ABCB1: variants seen among roughly 807,000 people sequenced by gnomAD.
The protein encoded by ABCB1 is ATP binding cassette subfamily B member 1.
Under a neutral mutation model 142.0 loss-of-function variants are expected in ABCB1, and 69 were observed. The ratio of observed to expected loss-of-function variants is 0.49; its 90% CI spans 0.40 to 0.59. ABCB1 has a LOEUF of 0.59. Ranked by LOEUF, ABCB1 falls within the 20% of genes least tolerant of loss-of-function variation. The pLI is 0.00. For missense variants in ABCB1, 1,326 were observed against 1,554.7 expected (o/e 0.85, Z 2.47); for synonymous variants, 532 against 539.2 (o/e 0.99, Z 0.18).
intron 15 of ABCB1, among the ~76,000 whole-genome samples, chr7:87,545,366 A>G (rs1311495535): frequency 6.6e-6 from 1 of 152,230 alleles, no homozygotes. Flanking sequence ...GTTATTTTAA[A>G]TTTTCTAGAA....
intron 1 of ABCB1, among the ~76,000 whole-genome samples, chr7:87,703,412 G>A (rs145818951): frequency 2.7e-4 from 41 of 152,046 alleles, no homozygotes; most frequent in African/African-American, 7.5e-4. Flanking sequence ...AACATTTTTA[G>A]CTCCTTAATA....
At chr7:87,660,573 G>T (rs948604394) in intron 1 of ABCB1, among the ~76,000 whole-genome samples, 1 of 151,730 alleles carries the variant, frequency 6.6e-6, no homozygotes, top group Admixed American at 6.6e-5. Context: ...CCAGAGATTT[G>T]TCTGTTTTAT....
chr7:87,649,578 T>A (rs577303411), intron 1 of ABCB1, among the ~76,000 whole-genome samples: 10 of 152,202 alleles, frequency 6.6e-5, no homozygotes, highest in African/African-American at 2.4e-4. Flanking sequence ...GGAAAATACA[T>A]TGATTTTTGA....
Position 87,628,863 on chromosome 7 carries a change from G to A in ABCB1, c.-330-27785C>T. 1 of 1,278,786 alleles carries A rather than the reference G, an allele frequency of 7.8e-7. No homozygotes were observed. The highest frequency in any genetic ancestry group is 9.9e-7 in the Non-Finnish European group (1 of 1,005,216). 79.2% of individuals were successfully genotyped at this position (1,278,786 alleles called of 1,614,324 possible). ...CCTGGGGGGCCTGAGCGGGATCCGCGGCGGTGGCGGCGGAGGCGGCAAGAA... is the reference window on the plus strand; with the variant it reads ...CCTGGGGGGCCTGAGCGGGATCCGCAGCGGTGGCGGCGGAGGCGGCAAGAA... On this transcript the variant is annotated intron_variant, in intron 1 of 28. Coordinates refer to the ABCB1 transcript ENST00000265724.
chr7:87,672,691 C>T (rs1825950400), intron 1 of ABCB1, among the ~76,000 whole-genome samples: 1 of 152,106 alleles, frequency 6.6e-6, no homozygotes, highest in South Asian at 2.1e-4. Flanking sequence ...ACCGAAGGCC[C>T]TGGTGGAATG....
chr7:87,556,379 C>G (rs1010935211), intron 8 of ABCB1, among the ~76,000 whole-genome samples: 1 of 152,090 alleles, frequency 6.6e-6, no homozygotes, highest in Non-Finnish European at 1.5e-5. Context: ...CTATTCTATA[C>G]GATTGAATGG....
chr7:87,524,004 AT>A (rs1387621525), intron 21 of ABCB1, among the ~76,000 whole-genome samples: 1 of 152,196 alleles, frequency 6.6e-6, no homozygotes, highest in Non-Finnish European at 1.5e-5. Context: ...ATAAAGACAC[AT>A]TTAATTTAGA....
chr7:87,659,410 A>G (rs185694572), intron 1 of ABCB1, among the ~76,000 whole-genome samples: 277 of 152,184 alleles, frequency 1.8e-3, no homozygotes, highest in African/African-American at 6.5e-3. Context: ...TTGCAGTATT[A>G]TATTATACCA....
intron 2 of ABCB1, among the ~76,000 whole-genome samples, chr7:87,598,755 C>G (rs1443769487): frequency 5.3e-5 from 8 of 152,192 alleles, no homozygotes; most frequent in African/African-American, 9.7e-5. Flanking sequence ...CTTTGATGCT[C>G]AAATTGTCCC....
chr7:87,641,821 G>A (rs920393047), intron 1 of ABCB1, among the ~76,000 whole-genome samples: 5 of 152,176 alleles, frequency 3.3e-5, no homozygotes, highest in Non-Finnish European at 7.3e-5. Flanking sequence ...GTCTTTAGAA[G>A]AGGTTAGGAA....
intron 1 of ABCB1, among the ~76,000 whole-genome samples, chr7:87,608,650 A>G (rs1819744509): frequency 6.6e-6 from 1 of 152,182 alleles, no homozygotes; most frequent in Non-Finnish European, 1.5e-5. Context: ...TTATAAAAAC[A>G]CCATTTCCCT....
At chr7:87,506,097 A>C in intron 26 of ABCB1, 54 bp from the exon 27 acceptor site, 1 of 1,572,354 alleles carries the variant, frequency 6.4e-7, no homozygotes, top group Non-Finnish European at 8.8e-7. Context: ...AAGTTCTAAC[A>C]GCTTGCTTAT....
chr7:87,626,698 G>C (rs910333314), intron 1 of ABCB1, among the ~76,000 whole-genome samples: 1 of 44,172 alleles, frequency 2.3e-5, no homozygotes, highest in Non-Finnish European at 3.9e-5. Context: ...TCATATATAT[G>C]TGTCATATAT....
At position 87,504,342 on chromosome 7, in the gene ABCB1, A is replaced by G. The variant is rs1230774968; in HGVS notation, c.3744T>C (p.Asn1248=). 8 of 1,613,942 alleles carry G rather than the reference A, an allele frequency of 5.0e-6. No homozygotes were observed. Among genetic ancestry groups the G allele is most frequent in the Non-Finnish European group, 6.8e-6 (8 of 1,180,002 alleles). Residue 1248 remains asparagine, a synonymous_variant, in exon 28 of 28, where the codon AAT becomes AAC. Coordinates refer to ENST00000622132, the MANE Select transcript of ABCB1 (RefSeq NM_001348946.2). ...QNADLIVVFQ[N]GRVKEHGTHQ... is the part of the protein sequence containing the mutation. Reference sequence around the variant, plus strand: ...GCGTGCCATGCTCCTTGACTCTGCCATTCTGAAACACCACTATTAAGTCTG... The same window carrying G: ...GCGTGCCATGCTCCTTGACTCTGCCGTTCTGAAACACCACTATTAAGTCTG...
At chr7:87,552,492 C>G (rs115220693) in intron 9 of ABCB1, among the ~76,000 whole-genome samples, 1 of 151,926 alleles carries the variant, frequency 6.6e-6, no homozygotes, top group Non-Finnish European at 1.5e-5. Flanking sequence ...CAAGTTGGTC[C>G]GATATCAAAC....
chr7:87,621,149 G>A (rs1820208892), intron 1 of ABCB1, among the ~76,000 whole-genome samples: 1 of 152,098 alleles, frequency 6.6e-6, no homozygotes, highest in South Asian at 2.1e-4. Flanking sequence ...AGAGAGATGT[G>A]TCAAAATGAT....
chr7:87,628,074 C>T (rs1038763288), intron 1 of ABCB1, among the ~76,000 whole-genome samples: 5 of 152,232 alleles, frequency 3.3e-5, no homozygotes, highest in African/African-American at 9.6e-5. Context: ...ACTGAAGCTA[C>T]GGCAGCCACG....
intron 1 of ABCB1, among the ~76,000 whole-genome samples, chr7:87,655,052 T>C (rs746572667): frequency 6.6e-6 from 1 of 151,998 alleles, no homozygotes; most frequent in Non-Finnish European, 1.5e-5. Context: ...GGAGAAGATG[T>C]GGAGAAAAGG....
At chr7:87,505,485 G>A (rs370193760) in intron 27 of ABCB1, among the ~76,000 whole-genome samples, 22 of 152,104 alleles carry the variant, frequency 1.4e-4, no homozygotes, top group East Asian at 1.2e-3. Context: ...TACTGAGTTC[G>A]TCTTTCAGAT....
Sources: gnomAD v4.1 joint callset for allele counts (sites outside exome capture counted in the v4.1 genomes callset) on GRCh38, gnomAD v4.1.1 for gene constraint, MANE v1.5 for transcripts, NCBI Gene and HGNC (gene_info 2026-07-23, HGNC 2026-07-21) for gene names.